B4GALT3: variants seen among roughly 807,000 people sequenced by gnomAD.
B4GALT3 encodes the protein beta-1,4-galactosyltransferase 3.
In B4GALT3, 29 loss-of-function variants were observed where a neutral mutation model predicts 40.7. That is an observed-to-expected ratio of 0.71 (90% CI 0.53 to 0.97). The LOEUF is 0.97. Ranked by LOEUF, B4GALT3 falls within the 50% of genes least tolerant of loss-of-function variation. The probability of loss-of-function intolerance (pLI) is 0.00; values close to 1 mark genes in which losing one functional copy is unlikely to be tolerated. For synonymous variants in B4GALT3, 182 were observed against 203.9 expected (o/e 0.89, Z 0.92); for missense variants, 390 against 522.3 (o/e 0.75, Z 2.47).
upstream of B4GALT3, chr1:161,177,914 A>G (rs1664141236): frequency 6.6e-6 from 1 of 152,214 alleles, no homozygotes; most frequent in Non-Finnish European, 1.5e-5. Flanking sequence ...TACGCAGGCT[A>G]CAGCGTTGCG....
chr1:161,177,032 A>G, intron 1 of B4GALT3: 1 of 1,514,720 alleles, frequency 6.6e-7, no homozygotes, highest in Non-Finnish European at 8.8e-7. Flanking sequence ...CTCGGCGGAG[A>G]GTAGGGTGGG....
chr1:161,174,223 C>T (rs1368308767), intron 4 of B4GALT3, among the ~76,000 whole-genome samples, 174 bp from the exon 5 acceptor site: 3 of 151,978 alleles, frequency 2.0e-5, no homozygotes, highest in East Asian at 1.9e-4. Context: ...CTGGCTAACA[C>T]GGTAAAACCC....
At position 161,173,626 on chromosome 1, in the gene B4GALT3, T is replaced by TCAC; in HGVS notation, c.779_781dup (p.Gly260dup). On this transcript the variant is annotated inframe_insertion, in exon 6 of 8. Coordinates refer to ENST00000319769, the MANE Select transcript of B4GALT3 (RefSeq NM_003779.4). ...TGACCTGGTAGCAATGTCGTCATCCTCACCACCCCAGCCCCAGTATTCATT... is the reference window on the plus strand; with the variant it reads ...TGACCTGGTAGCAATGTCGTCATCCTCACCACCACCCCAGCCCCAGTATTCATT... The TCAC allele has an allele frequency of 6.2e-7, 1 of 1,614,096 alleles. No individual in the cohort carries two copies. Among genetic ancestry groups the TCAC allele is most frequent in the Non-Finnish European group, 8.5e-7 (1 of 1,180,014 alleles).
Position 161,171,838 on chromosome 1 carries a change from G to A in B4GALT3, c.1160C>T (p.Thr387Ile), listed in dbSNP as rs1388885353. ...GAGTCAGTGTGAACCTCGGAGGGCTGTGTGGTTGGCAGTAGATAGAGGCCC... is the reference window on the plus strand; with the variant it reads ...GAGTCAGTGTGAACCTCGGAGGGCTATGTGGTTGGCAGTAGATAGAGGCCC... The part of the protein sequence containing the change: ...RPGPLSTANH[T>I]ALRGSH Residue 387 changes from threonine to isoleucine, a missense_variant, in exon 8 of 8, where the codon ACA becomes ATA. Physicochemically the swap from Thr to Ile is moderately conservative, Grantham distance 89. Transcript: ENST00000319769. The A allele has an allele frequency of 1.6e-5, 26 of 1,614,034 alleles. No individual in the cohort carries two copies. The highest frequency in any genetic ancestry group is 1.9e-5 in the Non-Finnish European group (23 of 1,180,032).
At position 161,176,314 on chromosome 1, in the gene B4GALT3, C is replaced by T; in HGVS notation, c.-15+120G>A. ...CCTCTACCTCCCCCCAAACCACTCC[C>T]ACCATCTACTGTCAGTCCTCACCCC... On this transcript the variant is annotated intron_variant, in intron 2 of 7. Coordinates refer to ENST00000319769, the MANE Select transcript of B4GALT3 (RefSeq NM_003779.4). 3 of 573,014 alleles carry T rather than the reference C, an allele frequency of 5.2e-6. No homozygotes were observed. In the South Asian group the frequency reaches 6.4e-5, roughly 12 times the overall value. 35.5% of individuals were successfully genotyped at this position (573,014 alleles called of 1,614,324 possible).
At chr1:161,172,835 CT>C (rs1194528417) in intron 6 of B4GALT3, among the ~76,000 whole-genome samples, 1 of 147,926 alleles carries the variant, frequency 6.8e-6, no homozygotes, top group South Asian at 2.1e-4. Flanking sequence ...CAAGACCAGC[CT>C]GGGAAAATAA....
At position 161,171,881 on chromosome 1, in the gene B4GALT3, G is replaced by T; in HGVS notation, c.1117C>A (p.Arg373=). Reference sequence around the variant, plus strand: ...AGAGGCCCAGGCCTGGCTGGGGGCCGGCGTTGCAGCATCTCTTGACGGAAG... The same window carrying T: ...AGAGGCCCAGGCCTGGCTGGGGGCCTGCGTTGCAGCATCTCTTGACGGAAG... ...QAFRQEMLQR[R]PPARPGPLST... is the part of the protein sequence containing the mutation. The change falls in exon 8 of 8, where the codon CGG becomes AGG. Residue 373 remains arginine (R), a synonymous_variant. Coordinates refer to ENST00000319769, the MANE Select transcript of B4GALT3 (RefSeq NM_003779.4). 6.2e-7 allele frequency: 1 copy of T among 1,614,170 alleles called. No individual in the cohort carries two copies. Among genetic ancestry groups the T allele is most frequent in the Non-Finnish European group, 8.5e-7 (1 of 1,180,022 alleles).
intron 2 of B4GALT3, 112 bp from the exon 3 acceptor site, chr1:161,176,186 A>T (rs1484084595): frequency 8.2e-7 from 1 of 1,216,668 alleles, no homozygotes; most frequent in Non-Finnish European, 1.1e-6. Flanking sequence ...AAAGCAGAAA[A>T]CAAAGTCACA....
chr1:161,174,796 G>A, intron 4 of B4GALT3, 197 bp downstream of exon 4: 1 of 606,718 alleles, frequency 1.6e-6, no homozygotes, highest in Non-Finnish European at 2.9e-6. Flanking sequence ...GTAGGACAGT[G>A]GGAATAACCT....
intron 2 of B4GALT3, 74 bp from the exon 3 acceptor site, chr1:161,176,148 T>C (rs1663431313): frequency 6.7e-7 from 1 of 1,502,008 alleles, no homozygotes; most frequent in East Asian, 2.3e-5. Context: ...TAGGTAGGGT[T>C]GAAGGTGATG....
Position 161,171,893 on chromosome 1 carries a change from T to C in B4GALT3, c.1105A>G (p.Met369Val). The stretch of plus-strand genomic sequence containing the variant: ...CTGGCTGGGGGCCGGCGTTGCAGCA[T>C]CTCTTGACGGAAGGCTTGGGAGGAA... ...PGSSQAFRQEMLQRRPPARPG... is the reference protein window; with the variant it reads ...PGSSQAFRQEVLQRRPPARPG... The change falls in exon 8 of 8, where the codon ATG becomes GTG. Residue 369 changes from methionine (M) to valine (V), a missense_variant. Physicochemically the swap from Met to Val is conservative, Grantham distance 21. Around this residue, in one of 3 missense-constraint regions of B4GALT3, gnomAD observed 72 missense variants for 71.3 expected, o/e 1.01. Coordinates refer to ENST00000319769, the MANE Select transcript of B4GALT3 (RefSeq NM_003779.4). The C allele has an allele frequency of 1.2e-6, 2 of 1,614,120 alleles. No homozygotes were observed. Among genetic ancestry groups the C allele is most frequent in the Non-Finnish European group, 1.7e-6 (2 of 1,180,014 alleles).
chr1:161,172,483 T>C (rs2101925449), intron 6 of B4GALT3, 152 bp from the exon 7 acceptor site: 1 of 646,876 alleles, frequency 1.5e-6, no homozygotes, highest in Non-Finnish European at 2.6e-6. Flanking sequence ...AAGAAGGAAA[T>C]GGCTGAAGAG....
intron 6 of B4GALT3, among the ~76,000 whole-genome samples, chr1:161,172,851 A>T (rs1356831295): frequency 6.6e-6 from 1 of 150,800 alleles, no homozygotes; most frequent in Non-Finnish European, 1.5e-5. Flanking sequence ...AAATAATGGG[A>T]CCTTGTCTCT....
chr1:161,173,411 G>A (rs1662240251), intron 6 of B4GALT3, among the ~76,000 whole-genome samples, 194 bp downstream of exon 6: 1 of 152,174 alleles, frequency 6.6e-6, no homozygotes, highest in African/African-American at 2.4e-5. Flanking sequence ...CTAACCAGGA[G>A]ACTGAAGGAT....
intron 3 of B4GALT3, 76 bp from the exon 4 acceptor site, chr1:161,175,304 T>C: frequency 1.5e-6 from 2 of 1,306,828 alleles, no homozygotes; most frequent in Non-Finnish European, 2.1e-6. Flanking sequence ...TGGGAATACC[T>C]CTGACACTGG....
Position 161,176,425 on chromosome 1 carries a change from T to G in B4GALT3, c.-15+9A>C, listed in dbSNP as rs1011152865. On this transcript the variant is annotated intron_variant, in intron 2 of 7. Transcript: ENST00000319769. ...TCTTCCAATTTTAGAAGGGAAGAGA[T>G]AGACTCACCTAGGTTCAAGCTGTCT... 3 of 388,776 alleles carry G rather than the reference T, an allele frequency of 7.7e-6. No homozygotes were observed. The highest frequency in any genetic ancestry group is 7.3e-4 in the Middle Eastern group (1 of 1,368). 24.1% of individuals were successfully genotyped at this position (388,776 alleles called of 1,614,324 possible).
chr1:161,172,371 G>A (rs755467809), intron 6 of B4GALT3, 40 bp from the exon 7 acceptor site: 4 of 1,559,258 alleles, frequency 2.6e-6, no homozygotes, highest in Non-Finnish European at 3.5e-6. Context: ...ATCCAGAGTA[G>A]AGAAAAGCAA....
At chr1:161,172,422 A>G in intron 6 of B4GALT3, 91 bp from the exon 7 acceptor site, 1 of 1,137,502 alleles carries the variant, frequency 8.8e-7, no homozygotes, top group Non-Finnish European at 1.2e-6. Context: ...AAAAACAACT[A>G]TTACTTAGTA....
chr1:161,174,595 G>A (rs114875710), intron 4 of B4GALT3, among the ~76,000 whole-genome samples: 3 of 152,068 alleles, frequency 2.0e-5, no homozygotes, highest in Non-Finnish European at 4.4e-5. Context: ...CCTGACAATT[G>A]GCAACCAACA....
Sources: allele counts gnomAD v4.1 joint callset (sites outside exome capture counted in the v4.1 genomes callset), GRCh38; gene constraint gnomAD v4.1.1; regional missense constraint gnomAD v4.1.1; transcripts MANE v1.5; gene names NCBI Gene and HGNC (gene_info 2026-07-23, HGNC 2026-07-21).